The following PRMT8 variants were observed in gnomAD, a reference collection of about 807,000 sequenced individuals.
PRMT8 encodes protein arginine methyltransferase 8, also known as protein arginine N-methyltransferase 8.
Under a neutral mutation model 47.1 loss-of-function variants are expected in PRMT8, and 7 were observed. That is an observed-to-expected ratio of 0.15 (90% CI 0.08 to 0.28). PRMT8 has a LOEUF of 0.28. Ranked by LOEUF, PRMT8 falls within the 10% of genes least tolerant of loss-of-function variation. The probability of loss-of-function intolerance (pLI) is 1.00; values close to 1 mark genes in which losing one functional copy is unlikely to be tolerated. For synonymous variants in PRMT8, 188 were observed against 186.5 expected (o/e 1.01, Z -0.07); for missense variants, 237 against 505.4 (o/e 0.47, Z 5.09).
At chr12:3,385,381 A>G (rs1250944000) in intron 1 of PRMT8, among the ~76,000 whole-genome samples, 2 of 152,180 alleles carry the variant, frequency 1.3e-5, no homozygotes, top group Admixed American at 6.5e-5. Context: ...TCTGAGTGGT[A>G]GCAAGACATT....
chr12:3,532,221 T>C (rs544702674), intron 1 of PRMT8, among the ~76,000 whole-genome samples: 2 of 150,866 alleles, frequency 1.3e-5, no homozygotes, highest in South Asian at 4.2e-4. Flanking sequence ...TAGTAGTAGA[T>C]GCCCTAATTC....
chr12:3,496,212 ATATTTTTT>A lies in PRMT8; in HGVS notation c.75+4514_75+4521del, dbSNP rs1358366387. 1.5e-3 allele frequency among the ~76,000 whole-genome samples: 29 copies of A among 19,398 alleles called. 1 individual carries two copies. The South Asian group carries it at 0.039, about 26-fold the overall frequency. 12.7% of individuals were successfully genotyped at this position (19,398 alleles called of 152,430 possible). A position where few individuals can be genotyped will look rare whatever the true frequency, so the allele number is the denominator to read the frequency against. On this transcript the variant is annotated intron_variant, in intron 1 of 9. Transcript: ENST00000382622. ...ACTTTGGAAACTGATATATATATAT[ATATTTTTT>A]TTTTTTTTTTTTTTTTTTTTGAATG...
At chr12:3,515,179 G>A (rs1266188526) in intron 1 of PRMT8, among the ~76,000 whole-genome samples, 1 of 152,226 alleles carries the variant, frequency 6.6e-6, no homozygotes, top group Non-Finnish European at 1.5e-5. Context: ...TCAGCATAGG[G>A]TCTGGTCAAC....
upstream of PRMT8, among the ~76,000 whole-genome samples, chr12:3,487,345 C>T (rs1377120196): frequency 2.4e-4 from 1 of 4,104 alleles, no homozygotes; most frequent in East Asian, 6.3e-3. Context: ...TCCCAGGCAG[C>T]ATGGTCCGCA....
intron 1 of PRMT8, among the ~76,000 whole-genome samples, chr12:3,515,625 A>T (rs1865779282): frequency 6.6e-6 from 1 of 152,250 alleles, no homozygotes; most frequent in Admixed American, 6.5e-5. Flanking sequence ...GATTGTGGAC[A>T]TGCTGGCTTG....
intron 3 of PRMT8, chr12:3,551,875 G>C (rs1026708537): frequency 2.0e-5 from 3 of 152,470 alleles, no homozygotes; most frequent in African/African-American, 4.8e-5. Flanking sequence ...GATGTGACAA[G>C]AGCAATGGAG....
chr12:3,504,610 TCAGA>T (rs1409518021), intron 1 of PRMT8, among the ~76,000 whole-genome samples: 1 of 71,334 alleles, frequency 1.4e-5, no homozygotes, highest in Non-Finnish European at 3.3e-5. Flanking sequence ...TTCAAAGCTG[TCAGA>T]CAGGGACACT....
chr12:3,580,371 C>T lies in PRMT8; in HGVS notation c.829-2687C>T, dbSNP rs77304919. On this transcript the variant is annotated intron_variant, in intron 7 of 9. Coordinates refer to ENST00000382622, the MANE Select transcript of PRMT8 (RefSeq NM_019854.5). This position sits in a 1 kb window ranked among gnomAD's most constrained non-coding sequence, Gnocchi z 4.6. ...GTGTGTGTGTGTGTGTGTGTGTACG[C>T]GTGCGCATGCGGGATAGAAGGAGAA... Among the ~76,000 whole-genome samples, 3,958 of 137,438 alleles carry T rather than the reference C, an allele frequency of 0.029. 96 individuals carry two copies. Among genetic ancestry groups the T allele is most frequent in the Middle Eastern group, 0.045 (12 of 268 alleles). 90.2% of individuals were successfully genotyped at this position (137,438 alleles called of 152,430 possible).
chr12:3,457,906 G>A (rs1864993958), intron 1 of PRMT8, among the ~76,000 whole-genome samples: 1 of 126,424 alleles, frequency 7.9e-6, no homozygotes, highest in Non-Finnish European at 1.6e-5. Flanking sequence ...GCAGTGGTGT[G>A]ATCTCAGCTC....
rs2137241941 is a variant in PRMT8 at position 3,593,122 on chromosome 12, C to T, written c.1125C>T (p.Asp375=). The T allele has an allele frequency of 2.5e-6, 4 of 1,614,168 alleles. No individual in the cohort carries two copies. The South Asian group carries it at 4.4e-5, about 18-fold the overall frequency. Residue 375 remains aspartate (D), a synonymous_variant, in exon 10 of 10, where the codon GAC becomes GAT. Transcript: ENST00000382622. The surrounding 1 kb of genome is among the most constrained non-coding windows in gnomAD (Gnocchi z 4.8). Reference sequence around the variant, plus strand: ...AGCGAGACCTCGATTTCACAGTAGACTTGGATTTTAAGGGACAGCTGTGTG... The same window carrying T: ...AGCGAGACCTCGATTTCACAGTAGATTTGGATTTTAAGGGACAGCTGTGTG... ...KNVRDLDFTV[D]LDFKGQLCET...
intron 1 of PRMT8, among the ~76,000 whole-genome samples, chr12:3,515,216 G>T (rs1018573722): frequency 2.6e-5 from 4 of 152,194 alleles, no homozygotes; most frequent in East Asian, 1.9e-4. Context: ...TTTGATTGTG[G>T]TGGCGGCTGC....
At chr12:3,534,427 A>T (rs1216038510) in intron 1 of PRMT8, among the ~76,000 whole-genome samples, 1 of 146,282 alleles carries the variant, frequency 6.8e-6, no homozygotes, top group Non-Finnish European at 1.5e-5. Flanking sequence ...CAGCACCTTC[A>T]CTCTCCTTCC....
chr12:3,569,579 G>GTAAGTCCCCTCTTA lies in PRMT8; in HGVS notation c.712+15_712+16insTAAGTCCCCTCTTA, dbSNP rs1866808999. On this transcript the variant is annotated intron_variant, in intron 6 of 9. Transcript: ENST00000382622. This position sits in a 1 kb window ranked among gnomAD's most constrained non-coding sequence, Gnocchi z 8.2. ...CAAAATCCACTGTAAGTCCCCTCTT[G>GTAAGTCCCCTCTTA]CTTCTCCGGTGGACTTCCACTGCAC... The GTAAGTCCCCTCTTA allele has an allele frequency of 6.2e-7, 1 of 1,609,298 alleles. No homozygotes were observed. Among genetic ancestry groups the GTAAGTCCCCTCTTA allele is most frequent in the African/African-American group, 1.3e-5 (1 of 74,796 alleles).
chr12:3,435,742 G>A (rs1325947046), intron 1 of PRMT8, among the ~76,000 whole-genome samples: 1 of 151,738 alleles, frequency 6.6e-6, no homozygotes, highest in East Asian at 2.0e-4. Context: ...GGATGGTCTC[G>A]ATCTCCTGAC....
chr12:3,475,292 GA>G (rs1189678007), intron 1 of PRMT8, among the ~76,000 whole-genome samples: 1 of 152,186 alleles, frequency 6.6e-6, no homozygotes, highest in Non-Finnish European at 1.5e-5. Context: ...GGGAAGGGCA[GA>G]AAAAAGTCCC....
At chr12:3,574,453 C>T (rs1380706402) in intron 6 of PRMT8, among the ~76,000 whole-genome samples, 2 of 152,258 alleles carry the variant, frequency 1.3e-5, no homozygotes, top group Admixed American at 6.5e-5. Flanking sequence ...CCAAGTGATT[C>T]GAGAACACAG....
chr12:3,561,901 T>G (rs1329533858), intron 4 of PRMT8, among the ~76,000 whole-genome samples: 1 of 152,206 alleles, frequency 6.6e-6, no homozygotes, highest in Non-Finnish European at 1.5e-5. Flanking sequence ...AGTTGCTGTT[T>G]GTATAACTGT....
chr12:3,387,196 A>G (rs1469809244), intron 1 of PRMT8, among the ~76,000 whole-genome samples: 2 of 152,230 alleles, frequency 1.3e-5, no homozygotes, highest in Non-Finnish European at 2.9e-5. Context: ...TTCAACAGGC[A>G]TTGCTTTTCC....
chr12:3,521,665 A>G (rs1435394028), intron 1 of PRMT8, among the ~76,000 whole-genome samples: 1 of 152,214 alleles, frequency 6.6e-6, no homozygotes, highest in Non-Finnish European at 1.5e-5. Flanking sequence ...ACAAAAAGTA[A>G]ACGAAAAAAT....
Sources: gnomAD v4.1 joint callset for allele counts (sites outside exome capture counted in the v4.1 genomes callset) on GRCh38, gnomAD v4.1.1 for gene constraint, Gnocchi (gnomAD v3.1) non-coding constraint, MANE v1.5 for transcripts, NCBI Gene and HGNC (gene_info 2026-07-23, HGNC 2026-07-21) for gene names.